CDH23: variants seen among roughly 807,000 people sequenced by gnomAD.
The protein encoded by CDH23 is cadherin-23.
In CDH23, 189 loss-of-function variants were observed where a neutral mutation model predicts 317.1. The observed-to-expected ratio is 0.60, with a 90% CI of 0.53 to 0.67. The LOEUF (loss-of-function observed/expected upper bound fraction) is 0.67. Ranked by LOEUF, CDH23 falls within the 30% of genes least tolerant of loss-of-function variation. CDH23 has a pLI of 0.00. For synonymous variants in CDH23, 1,839 were observed against 1,876.8 expected (o/e 0.98, Z 0.52); for missense variants, 4,401 against 4,592.4 (o/e 0.96, Z 1.20).
chr10:71,690,356 G>A, intron 19 of CDH23, 112 bp from the exon 20 acceptor site: 1 of 691,136 alleles, frequency 1.4e-6, no homozygotes, highest in South Asian at 1.9e-5. Context: ...CACTGGGAGG[G>A]TCCCACGTCC....
chr10:71,663,796 T>C (rs1259471018), intron 14 of CDH23, among the ~76,000 whole-genome samples: 1 of 152,164 alleles, frequency 6.6e-6, no homozygotes, highest in Non-Finnish European at 1.5e-5. Flanking sequence ...CCAGTCTCTT[T>C]GCCTGTAAAA....
At chr10:71,748,014 C>A (rs1455683228) in intron 38 of CDH23, 1 of 152,316 alleles carries the variant, frequency 6.6e-6, no homozygotes, top group Non-Finnish European at 1.5e-5. Flanking sequence ...GGCCTTTGTT[C>A]CCAGCATCCT....
At chr10:71,415,033 C>T (rs575067641) in intron 1 of CDH23, among the ~76,000 whole-genome samples, 1 of 152,254 alleles carries the variant, frequency 6.6e-6, no homozygotes, top group South Asian at 2.1e-4. Context: ...TTTATACTCT[C>T]TATAGAATCT....
At chr10:71,669,877 T>A (rs1864070814) in intron 14 of CDH23, among the ~76,000 whole-genome samples, 1 of 152,134 alleles carries the variant, frequency 6.6e-6, no homozygotes, top group Non-Finnish European at 1.5e-5. Context: ...GGCTCACGCC[T>A]GTAATCCCAG....
chr10:71,795,870 C>T (rs1416105946), intron 48 of CDH23: 7 of 986,788 alleles, frequency 7.1e-6, no homozygotes, highest in Non-Finnish European at 8.4e-6. Flanking sequence ...CACTTCCCAC[C>T]TCATCTCTTC....
chr10:71,499,650 A>C (rs1281916510), intron 3 of CDH23, among the ~76,000 whole-genome samples: 1 of 151,440 alleles, frequency 6.6e-6, no homozygotes, highest in Non-Finnish European at 1.5e-5. Context: ...GATCAGCCTG[A>C]CCAACATGGA....
chr10:71,754,447 T>C (rs1239328080), intron 38 of CDH23, among the ~76,000 whole-genome samples: 1 of 151,852 alleles, frequency 6.6e-6, no homozygotes, highest in Non-Finnish European at 1.5e-5. Context: ...GTTACCTCTG[T>C]AGCCAGGCAG....
intron 3 of CDH23, among the ~76,000 whole-genome samples, chr10:71,496,799 C>G (rs973157890): frequency 1.3e-5 from 2 of 152,230 alleles, no homozygotes; most frequent in Non-Finnish European, 2.9e-5. Flanking sequence ...GAGTCCCTCC[C>G]TGGAGATCCT....
At chr10:71,487,755 G>T (rs1385224111) in intron 3 of CDH23, among the ~76,000 whole-genome samples, 1 of 152,038 alleles carries the variant, frequency 6.6e-6, no homozygotes, top group Non-Finnish European at 1.5e-5. Context: ...AAGTGGTCTT[G>T]CCCACCATGG....
intron 1 of CDH23, among the ~76,000 whole-genome samples, chr10:71,415,504 G>A (rs1346350017): frequency 6.6e-6 from 1 of 152,056 alleles, no homozygotes; most frequent in Non-Finnish European, 1.5e-5. Context: ...TAAATTTTGT[G>A]TTCTATGTCA....
At chr10:71,688,885 G>C (rs140609448) in intron 19 of CDH23, among the ~76,000 whole-genome samples, 1 of 1,044 alleles carries the variant, frequency 9.6e-4, no homozygotes, top group Admixed American at 9.6e-3. Flanking sequence ...ATGGAGCCAG[G>C]GGTGGTGGAG....
intron 1 of CDH23, among the ~76,000 whole-genome samples, chr10:71,438,146 G>A (rs1849699145): frequency 6.6e-6 from 1 of 152,008 alleles, no homozygotes; most frequent in African/African-American, 2.4e-5. Context: ...TTTGAGACCA[G>A]CCTGACCAAC....
At chr10:71,510,058 T>G (rs1287825696) in intron 3 of CDH23, 24 bp from the exon 4 acceptor site, 1 of 1,613,874 alleles carries the variant, frequency 6.2e-7, no homozygotes, top group Non-Finnish European at 8.5e-7. Context: ...ATTTTCCCTC[T>G]GCTCTCTCCC....
intron 14 of CDH23, among the ~76,000 whole-genome samples, chr10:71,664,814 T>G (rs1863818594): frequency 6.7e-6 from 1 of 148,836 alleles, no homozygotes. Flanking sequence ...CTCCTCCCCC[T>G]TCCCCCTCCT....
intron 3 of CDH23, among the ~76,000 whole-genome samples, chr10:71,497,819 C>T (rs994794056): frequency 5.9e-5 from 9 of 152,132 alleles, no homozygotes; most frequent in East Asian, 3.8e-4. Context: ...GACTTGTCAC[C>T]GGGCCACCCA....
intron 6 of CDH23, among the ~76,000 whole-genome samples, chr10:71,549,786 C>T (rs903369812): frequency 6.6e-6 from 1 of 152,156 alleles, no homozygotes; most frequent in Non-Finnish European, 1.5e-5. Context: ...CCCAGAGAAG[C>T]GAAAACGGTC....
intron 9 of CDH23, among the ~76,000 whole-genome samples, chr10:71,583,143 G>A (rs1027436764): frequency 6.6e-6 from 1 of 152,064 alleles, no homozygotes; most frequent in Non-Finnish European, 1.5e-5. Flanking sequence ...GGGGCGGACA[G>A]GCAGAAAGAA....
At chr10:71,800,510 A>G (rs945294991) in intron 52 of CDH23, 126 bp from the exon 53 acceptor site, 1 of 1,156,178 alleles carries the variant, frequency 8.6e-7, no homozygotes, top group Non-Finnish European at 1.2e-6. Flanking sequence ...TGCTGGGGGC[A>G]GAGGTTATTG....
At position 71,815,273 on chromosome 10, in the gene CDH23, C is replaced by T. The variant is rs993295059; in HGVS notation, c.10060C>T (p.Leu3354=). ...GGAGACCCCCCTGGAGATCACAGAGCTGTGACTAGACAGGGAAGCCTTGTG... is the reference window on the plus strand; with the variant it reads ...GGAGACCCCCCTGGAGATCACAGAGTTGTGACTAGACAGGGAAGCCTTGTG... ...IMETPLEITE[L] is the part of the protein sequence containing the mutation. The change falls in exon 70 of 70, where the codon CTG becomes TTG. Residue 3354 remains leucine (L), a synonymous_variant. Transcript: ENST00000224721. The T allele has an allele frequency of 1.0e-4, 158 of 1,561,402 alleles. No homozygotes were observed. Among genetic ancestry groups the T allele is most frequent in the Non-Finnish European group, 1.3e-4 (150 of 1,148,962 alleles).
Sources: gnomAD v4.1 joint callset for allele counts (sites outside exome capture counted in the v4.1 genomes callset) on GRCh38, gnomAD v4.1.1 for gene constraint, MANE v1.5 for transcripts, NCBI Gene and HGNC (gene_info 2026-07-23, HGNC 2026-07-21) for gene names.